CLVS1: variants seen among roughly 807,000 people sequenced by gnomAD.
The protein encoded by CLVS1 is clavesin-1.
CLVS1 carries 10 observed loss-of-function variants against 33.1 expected under a neutral mutation model. That is an observed-to-expected ratio of 0.30 (90% CI 0.19 to 0.51). CLVS1 has a LOEUF of 0.51. Among genes scored for constraint, CLVS1 ranks in the 20% least tolerant of loss-of-function variants. The probability of loss-of-function intolerance (pLI) is 0.97; values close to 1 mark genes in which losing one functional copy is unlikely to be tolerated. For synonymous variants in CLVS1, 163 were observed against 166.1 expected, an observed-to-expected ratio of 0.98 and a Z score of 0.14; for missense variants, 343 against 433.4, an observed-to-expected ratio of 0.79 and a Z score of 1.85.
At chr8:61,294,538 A>C (rs1185280569) in intron 1 of CLVS1, among the ~76,000 whole-genome samples, 1 of 152,174 alleles carries the variant, frequency 6.6e-6, no homozygotes, top group Non-Finnish European at 1.5e-5. Flanking sequence ...TCCTTTCACA[A>C]GCAGTTTTAC....
chr8:61,270,010 T>C (rs1177435222), intron 2 of CLVS1, among the ~76,000 whole-genome samples: 3 of 150,900 alleles, frequency 2.0e-5, no homozygotes, highest in Non-Finnish European at 4.5e-5. Flanking sequence ...TTTATTTCCT[T>C]CTCCTGCCTA....
chr8:61,313,730 G>C (rs1810919962), intron 2 of CLVS1, among the ~76,000 whole-genome samples: 1 of 152,216 alleles, frequency 6.6e-6, no homozygotes, highest in South Asian at 2.1e-4. Context: ...AAACCAGGGA[G>C]ACTCTTTCTA....
chr8:61,370,609 T>A (rs1249160147), intron 2 of CLVS1: 2 of 152,392 alleles, frequency 1.3e-5, no homozygotes, highest in Non-Finnish European at 2.9e-5. Context: ...CAAGATGGTC[T>A]TGATCTCCTG....
rs375767610 is a variant in CLVS1, at chr8:61,499,575, G to A, written c.*33G>A. ...GTCACCCCAATGCTCCTGCACACTG[G>A]CCTTCAGTGGTATCAGCCACCCAGG... is the stretch of plus-strand genomic sequence containing the variant. On this transcript the variant is annotated 3_prime_UTR_variant, in exon 6 of 6. Coordinates refer to ENST00000325897, the MANE Select transcript of CLVS1 (RefSeq NM_173519.3). 28 of 1,540,846 alleles carry A rather than the reference G, an allele frequency of 1.8e-5. No homozygotes were observed. The African/African-American group carries it at 2.5e-4, about 13-fold the overall frequency.
intron 1 of CLVS1, among the ~76,000 whole-genome samples, chr8:61,082,779 T>C (rs1211546223): frequency 6.6e-6 from 1 of 152,132 alleles, no homozygotes; most frequent in African/African-American, 2.4e-5. Flanking sequence ...GTGCAGTTGC[T>C]CATGCCTGTA....
rs544590943 is a variant in CLVS1, at chr8:61,419,495, A to C, written c.631-34646A>C. 7.2e-5 allele frequency among the ~76,000 whole-genome samples: 11 copies of C among 152,206 alleles called. No homozygotes were observed. In the South Asian group the frequency reaches 1.9e-3, roughly 26 times the overall value. On this transcript the variant is annotated intron_variant, in intron 3 of 5. Transcript: ENST00000325897. ...GGAATTTTTTCCAAGAGAGTTGAAG[A>C]TGCATTTGAATAAGCAATGCAAAAA...
At chr8:61,276,544 G>C (rs912749800) in intron 2 of CLVS1, among the ~76,000 whole-genome samples, 4 of 152,060 alleles carry the variant, frequency 2.6e-5, no homozygotes, top group African/African-American at 7.2e-5. Context: ...AGTGCTCCAC[G>C]GCATTTTTCC....
In CLVS1 at chr8:61,367,173, T is replaced by C. The variant is rs76364243; in HGVS notation, c.456-9432T>C. Among the ~76,000 whole-genome samples the C allele has an allele frequency of 4.5e-3, 678 of 152,268 alleles. 37 individuals are homozygous for C. The East Asian group carries it at 0.12, about 26-fold the overall frequency. ...CTGCTCGACTCCAGTCCCCTGCCTTTGATGCACATAGTTCCTGCTGCCAGC... is the reference window on the plus strand; with the variant it reads ...CTGCTCGACTCCAGTCCCCTGCCTTCGATGCACATAGTTCCTGCTGCCAGC... On this transcript the variant is annotated intron_variant, in intron 2 of 5. Transcript: ENST00000325897.
intron 1 of CLVS1, among the ~76,000 whole-genome samples, chr8:61,107,089 C>A (rs907647624): frequency 6.6e-6 from 1 of 152,176 alleles, no homozygotes; most frequent in Non-Finnish European, 1.5e-5. Flanking sequence ...TTAGACACTT[C>A]CATTCATTTT....
At position 61,217,463 on chromosome 8, in the gene CLVS1, T is replaced by C. The variant is rs562904852; in HGVS notation, c.-151-82214T>C. The stretch of plus-strand genomic sequence containing the variant: ...TTTTGGATCAAAGGTATGTCTCAAC[T>C]TGCCATTTAGCTCCTCCTTTAGAAT... On this transcript the variant is annotated intron_variant, in intron 2 of 2. Transcript: ENST00000522621. Among the ~76,000 whole-genome samples the C allele has an allele frequency of 2.6e-5, 4 of 152,340 alleles. No homozygotes were observed. The East Asian group carries it at 7.7e-4, about 29-fold the overall frequency.
chr8:61,090,137 T>A (rs1805207994), intron 1 of CLVS1, among the ~76,000 whole-genome samples: 1 of 152,214 alleles, frequency 6.6e-6, no homozygotes, highest in Non-Finnish European at 1.5e-5. Context: ...AACTTTTTCC[T>A]GTAAGGAGAT....
chr8:61,230,442 T>G (rs1288392088), intron 2 of CLVS1, among the ~76,000 whole-genome samples: 3 of 152,212 alleles, frequency 2.0e-5, no homozygotes, highest in African/African-American at 4.8e-5. Flanking sequence ...AAGTAGCATA[T>G]TTTTGAAGCT....
the CLVS1 span, among the ~76,000 whole-genome samples, chr8:61,033,070 AGAAG>A: frequency 1.4e-3 from 156 of 107,946 alleles, 4 homozygotes; most frequent in African/African-American, 4.4e-3. Context: ...ATAGAAAGAA[AGAAG>A]GAAGGAAGGA....
intron 2 of CLVS1, among the ~76,000 whole-genome samples, chr8:61,165,251 A>G (rs1340971822): frequency 3.3e-5 from 5 of 152,238 alleles, no homozygotes; most frequent in African/African-American, 1.2e-4. Flanking sequence ...CAGTGGCAAA[A>G]CAGCAGGGGT....
At chr8:61,305,542 G>A (rs548867567) in intron 2 of CLVS1, among the ~76,000 whole-genome samples, 2 of 152,224 alleles carry the variant, frequency 1.3e-5, no homozygotes, top group South Asian at 4.1e-4. Context: ...TTTGTTGTAT[G>A]TATATAAACT....
rs755052477 is a variant in CLVS1 at position 61,499,495 on chromosome 8, G to A, written c.1018G>A (p.Glu340Lys). The A allele has an allele frequency of 4.3e-6, 7 of 1,611,970 alleles. No individual in the cohort carries two copies. In the Admixed American group the frequency reaches 1.0e-4, roughly 23 times the overall value. Residue 340 changes from glutamate to lysine, a missense_variant, in exon 6 of 6, where the codon GAG becomes AAG. By Grantham distance (56) the Glu-to-Lys change is moderately conservative. This residue lies in a region of CLVS1 where 86 missense variants were observed against 95.0 expected (regional missense o/e 0.91). Coordinates refer to ENST00000325897, the MANE Select transcript of CLVS1 (RefSeq NM_173519.3). ...VVEAGTLKHE[E>K]KGENENTQPL... The stretch of plus-strand genomic sequence containing the variant: ...AGAAGCTGGGACCCTGAAACATGAG[G>A]AGAAGGGAGAGAATGAGAACACCCA...
At chr8:61,287,283 G>T (rs1301580328), upstream of CLVS1, among the ~76,000 whole-genome samples, 1 of 152,030 alleles carries the variant, frequency 6.6e-6, no homozygotes, top group Non-Finnish European at 1.5e-5. Context: ...TGTTTATTAT[G>T]CATCCCCATT....
At chr8:61,385,521 G>A (rs1421239275) in intron 3 of CLVS1, among the ~76,000 whole-genome samples, 1 of 152,156 alleles carries the variant, frequency 6.6e-6, no homozygotes, top group Admixed American at 6.5e-5. Context: ...AACTACAGGT[G>A]TTAAAAATAA....
intron 1 of CLVS1, among the ~76,000 whole-genome samples, chr8:61,121,145 G>A (rs1036130209): frequency 5.9e-5 from 9 of 151,854 alleles, no homozygotes; most frequent in Non-Finnish European, 8.8e-5. Flanking sequence ...TCCAGGTGCC[G>A]TCAGTCACCC....
Sources: allele counts gnomAD v4.1 joint callset (sites outside exome capture counted in the v4.1 genomes callset), GRCh38; gene constraint gnomAD v4.1.1; regional missense constraint gnomAD v4.1.1; transcripts MANE v1.5; gene names NCBI Gene and HGNC (gene_info 2026-07-23, HGNC 2026-07-21).